Variants in NRXN1 observed in about 807,000 individuals in gnomAD.
The protein encoded by NRXN1 is neurexin-1.
Under a neutral mutation model 150.9 loss-of-function variants are expected in NRXN1, and 39 were observed. The ratio of observed to expected loss-of-function variants is 0.26; its 90% CI spans 0.20 to 0.34. NRXN1 has a LOEUF of 0.34. Ranked by LOEUF, NRXN1 falls within the 10% of genes least tolerant of loss-of-function variation. The pLI is 1.00. For missense variants in NRXN1, 1,815 were observed against 1,949.9 expected, an observed-to-expected ratio of 0.93 and a Z score of 1.30; for synonymous variants, 924 against 757.0, an observed-to-expected ratio of 1.22 and a Z score of -3.62.
chr2:50,552,596 C>T lies in NRXN1; in HGVS notation c.1750G>A (p.Gly584Arg), dbSNP rs749913654. 3 of 1,608,994 alleles carry T rather than the reference C, an allele frequency of 1.9e-6. No individual in the cohort carries two copies. Among genetic ancestry groups the T allele is most frequent in the African/African-American group, 1.3e-5 (1 of 74,754 alleles). ...AAAATGATAAGATTACCTGACCGTC[C>T]GTCTCTCTGGAAGTCCACATGATAC... is the stretch of plus-strand genomic sequence containing the variant. Reference protein sequence around the residue: ...EWYHVDFQRDGRSGTISVNTL... With the variant: ...EWYHVDFQRDRRSGTISVNTL... The change falls in exon 9 of 23, where the codon GGA becomes AGA. Residue 584 changes from glycine to arginine, a missense_variant. Transcript: ENST00000401669.
intron 17 of NRXN1, among the ~76,000 whole-genome samples, chr2:50,420,926 A>T (rs1396994011): frequency 1.3e-5 from 2 of 151,380 alleles, no homozygotes; most frequent in East Asian, 3.9e-4. Context: ...AAGTAAACAG[A>T]TGCATCTGGT....
chr2:50,422,450 A>G (rs1181088620), intron 17 of NRXN1, among the ~76,000 whole-genome samples: 4 of 152,200 alleles, frequency 2.6e-5, no homozygotes, highest in Non-Finnish European at 5.9e-5. Context: ...GCATTATTAG[A>G]TATATTTTAC....
intron 18 of NRXN1, among the ~76,000 whole-genome samples, chr2:50,098,344 G>C (rs1700512478): frequency 6.6e-6 from 1 of 152,088 alleles, no homozygotes; most frequent in African/African-American, 2.4e-5. Flanking sequence ...AGAGTTGAGG[G>C]AGTGGTGGGG....
intron 17 of NRXN1, among the ~76,000 whole-genome samples, chr2:50,451,651 G>C (rs1176389646): frequency 6.6e-6 from 1 of 152,152 alleles, no homozygotes; most frequent in Non-Finnish European, 1.5e-5. Context: ...GAAGAATGCA[G>C]ATAACTCTTC....
chr2:50,464,298 A>ACG, intron 17 of NRXN1: 4 of 147,562 alleles, frequency 2.7e-5, no homozygotes, highest in African/African-American at 1.1e-4. Context: ...TCTTCCACAT[A>ACG]TGTTTTAACT....
chr2:50,142,316 G>C (rs532245629), intron 18 of NRXN1, among the ~76,000 whole-genome samples: 2 of 151,974 alleles, frequency 1.3e-5, no homozygotes, highest in South Asian at 4.1e-4. Context: ...GTGTTCATGT[G>C]TAGAAAGGGG....
chr2:50,418,901 T>C (rs2083755891), intron 17 of NRXN1, among the ~76,000 whole-genome samples: 1 of 152,090 alleles, frequency 6.6e-6, no homozygotes, highest in African/African-American at 2.4e-5. Context: ...ATCATATTTT[T>C]ATCATATTTA....
chr2:50,140,285 T>C (rs1707077001), intron 18 of NRXN1, among the ~76,000 whole-genome samples: 1 of 152,134 alleles, frequency 6.6e-6, no homozygotes. Context: ...AAAATGTATA[T>C]TCTCTAGACT....
At chr2:51,029,366 A>G (rs1449867530) in intron 1 of NRXN1, among the ~76,000 whole-genome samples, 172 bp from the exon 2 acceptor site, 3 of 152,196 alleles carry the variant, frequency 2.0e-5, no homozygotes, top group Admixed American at 6.5e-5. Flanking sequence ...ACATTTTCTA[A>G]TAGTTAATAT....
chr2:51,006,370 G>A (rs1214241656), intron 2 of NRXN1, among the ~76,000 whole-genome samples: 16 of 131,184 alleles, frequency 1.2e-4, no homozygotes, highest in Non-Finnish European at 2.4e-4. Flanking sequence ...ACAGGAAGGG[G>A]AACATCACAT....
At chr2:50,059,578 G>A (rs1315256431) in intron 19 of NRXN1, among the ~76,000 whole-genome samples, 5 of 152,156 alleles carry the variant, frequency 3.3e-5, no homozygotes, top group South Asian at 4.1e-4. Flanking sequence ...CCAGGACAAC[G>A]AGGAAAATGT....
At chr2:50,519,362 C>T (rs980329028) in intron 12 of NRXN1, among the ~76,000 whole-genome samples, 2 of 151,824 alleles carry the variant, frequency 1.3e-5, no homozygotes, top group Admixed American at 6.6e-5. Flanking sequence ...TTCTCTTTGA[C>T]CATTTATTTT....
At chr2:50,360,377 A>G (rs775681022) in intron 17 of NRXN1, among the ~76,000 whole-genome samples, 1 of 152,222 alleles carries the variant, frequency 6.6e-6, no homozygotes, top group Non-Finnish European at 1.5e-5. Context: ...TCATATACAC[A>G]GACACATATA....
chr2:49,935,709 C>A (rs1670913321), intron 22 of NRXN1, among the ~76,000 whole-genome samples: 1 of 152,144 alleles, frequency 6.6e-6, no homozygotes, highest in Non-Finnish European at 1.5e-5. Flanking sequence ...GCTGGCTTAC[C>A]TCTGATATCA....
intron 2 of NRXN1, among the ~76,000 whole-genome samples, chr2:50,995,212 C>CATTAA (rs1699081323): frequency 6.6e-6 from 1 of 151,872 alleles, no homozygotes; most frequent in Admixed American, 6.6e-5. Flanking sequence ...CATTAAGTTA[C>CATTAA]GCCTTATAGT....
chr2:50,414,249 C>T (rs940259416), intron 17 of NRXN1, among the ~76,000 whole-genome samples: 1 of 151,998 alleles, frequency 6.6e-6, no homozygotes, highest in East Asian at 1.9e-4. Flanking sequence ...GGGATGGATA[C>T]CCCATTCTTT....
At chr2:50,805,686 C>T (rs1445697953) in intron 5 of NRXN1, among the ~76,000 whole-genome samples, 2 of 152,056 alleles carry the variant, frequency 1.3e-5, no homozygotes, top group Admixed American at 1.3e-4. Context: ...ATTGATTACC[C>T]ATGCTTTTTA....
intron 17 of NRXN1, among the ~76,000 whole-genome samples, chr2:50,452,802 T>C (rs1287339702): frequency 6.6e-6 from 1 of 152,162 alleles, no homozygotes; most frequent in Non-Finnish European, 1.5e-5. Context: ...AAACTTTAAT[T>C]CTCAATCTAT....
intron 2 of NRXN1, among the ~76,000 whole-genome samples, chr2:50,990,357 CT>C (rs1698364249): frequency 6.6e-6 from 1 of 151,948 alleles, no homozygotes; most frequent in African/African-American, 2.4e-5. Context: ...TTATTTTTCC[CT>C]TTATAAATGT....
Sources: gnomAD v4.1 joint callset for allele counts (sites outside exome capture counted in the v4.1 genomes callset) on GRCh38, gnomAD v4.1.1 for gene constraint, MANE v1.5 for transcripts, NCBI Gene and HGNC (gene_info 2026-07-23, HGNC 2026-07-21) for gene names.